Variants in SLC49A4 observed in about 807,000 individuals in gnomAD.
SLC49A4 encodes the protein disrupted in renal cancer protein 2.
A neutral mutation model predicts 50.6 loss-of-function variants in SLC49A4; 36 were observed. The observed-to-expected ratio is 0.71, with a 90% confidence interval of 0.55 to 0.94. The LOEUF is 0.94. Ranked by LOEUF, SLC49A4 falls within the 40% of genes least tolerant of loss-of-function variation. The probability of loss-of-function intolerance (pLI) is 0.00; values close to 1 mark genes in which losing one functional copy is unlikely to be tolerated. For missense variants in SLC49A4, 503 were observed against 605.7 expected (o/e 0.83, Z 1.78); for synonymous variants, 248 against 241.2 (o/e 1.03, Z -0.26).
chr3:122,870,846 AT>A (rs1473975400), intron 7 of SLC49A4, among the ~76,000 whole-genome samples: 51 of 147,200 alleles, frequency 3.5e-4, no homozygotes, highest in African/African-American at 1.2e-3. Context: ...ATAATAATTA[AT>A]TAATAATTCT....
intron 7 of SLC49A4, among the ~76,000 whole-genome samples, chr3:122,862,575 C>T (rs1399779525): frequency 6.6e-6 from 1 of 152,162 alleles, no homozygotes; most frequent in East Asian, 1.9e-4. Context: ...AGTTGTACAA[C>T]ATTCTGGTGG....
intron 2 of SLC49A4, among the ~76,000 whole-genome samples, chr3:122,811,497 T>C (rs1173367599): frequency 6.6e-6 from 1 of 152,254 alleles, no homozygotes; most frequent in Non-Finnish European, 1.5e-5. Context: ...TCATCCTATT[T>C]GGAGGGCACT....
chr3:122,853,972 C>T (rs1378716637), intron 5 of SLC49A4, among the ~76,000 whole-genome samples: 2 of 152,094 alleles, frequency 1.3e-5, no homozygotes, highest in Non-Finnish European at 2.9e-5. Flanking sequence ...TTAACTAGGG[C>T]AAATGTCATG....
chr3:122,795,331 G>GTA lies in SLC49A4; in HGVS notation c.142_143dup (p.Gly49ThrfsTer71). On this transcript the variant is annotated frameshift_variant, in exon 1 of 9. Coordinates refer to ENST00000261038, the MANE Select transcript of SLC49A4 (RefSeq NM_032839.3). LOFTEE classifies it high-confidence loss of function. ...CGCGGCGGTCCCGGGTCCCGGGCGGGTATACGGGCGCCGCTGGCTGGTGCT... is the reference window on the plus strand; with the variant it reads ...CGCGGCGGTCCCGGGTCCCGGGCGGGTATATACGGGCGCCGCTGGCTGGTGCT... 6.5e-7 allele frequency: 1 copy of GTA among 1,539,810 alleles called. No homozygotes were observed.
At position 122,860,197 on chromosome 3, in the gene SLC49A4, C is replaced by A. The variant is rs199910977; in HGVS notation, c.1133C>A (p.Thr378Asn). The A allele has an allele frequency of 6.3e-7, 1 of 1,597,874 alleles. No homozygotes were observed. Among genetic ancestry groups the A allele is most frequent in the East Asian group, 2.3e-5 (1 of 43,906 alleles). ...CLNSITHLPL[T>N]TVTLYASCIL... ...AACAGCATCACACACCTACCTTTAA[C>A]CACAGGTGAGCATAGGCTATTTTTG... The change falls in exon 7 of 9, where the codon ACC (threonine) becomes AAC (asparagine). Residue 378 changes from threonine (T) to asparagine (N), a missense_variant. Transcript: ENST00000261038.
intron 4 of SLC49A4, among the ~76,000 whole-genome samples, chr3:122,841,539 AAC>A (rs1472669525): frequency 2.6e-5 from 4 of 152,218 alleles, no homozygotes; most frequent in African/African-American, 7.2e-5. Flanking sequence ...ACTCCTACCA[AAC>A]AGAGTTACGT....
chr3:122,798,904 G>T lies in SLC49A4; in HGVS notation c.343+3369G>T, dbSNP rs77897827. 1.1e-3 allele frequency among the ~76,000 whole-genome samples: 171 copies of T among 152,072 alleles called. No individual in the cohort carries two copies. The East Asian group carries it at 0.028, about 25-fold the overall frequency. ...GGCACCAAAATATCTTGCACCCTGG[G>T]GGGTAGGTGGTTGTTTGGCCTTTGT... On this transcript the variant is annotated intron_variant, in intron 1 of 8. Coordinates refer to ENST00000261038, the MANE Select transcript of SLC49A4 (RefSeq NM_032839.3).
chr3:122,846,786 A>G (rs1936859257), intron 5 of SLC49A4, among the ~76,000 whole-genome samples: 1 of 152,156 alleles, frequency 6.6e-6, no homozygotes, highest in East Asian at 1.9e-4. Context: ...TGAATTGGAT[A>G]TTTTGAATAT....
intron 2 of SLC49A4, among the ~76,000 whole-genome samples, chr3:122,813,800 A>G (rs536829585): frequency 3.3e-5 from 5 of 152,356 alleles, no homozygotes; most frequent in Admixed American, 2.0e-4. Flanking sequence ...TTGAAAAATC[A>G]TATTTTATTA....
chr3:122,836,818 C>T (rs137914644), intron 4 of SLC49A4, among the ~76,000 whole-genome samples: 5,466 of 152,238 alleles, frequency 0.036, 130 homozygotes, highest in Middle Eastern at 0.088. Context: ...AAAACCCCAT[C>T]GTCTCAGCCC....
chr3:122,872,648 T>C, intron 8 of SLC49A4, 51 bp downstream of exon 8: 1 of 1,389,586 alleles, frequency 7.2e-7, no homozygotes, highest in East Asian at 2.3e-5. Flanking sequence ...CAAGAAAAGT[T>C]TGGGTCACTA....
In SLC49A4 at chr3:122,795,080, C is replaced by A; in HGVS notation, c.-113C>A. ...GGCGCACCAGGCGCGGTCCGGAGGC[C>A]GAGGGCGACCACAGCAGCCTCCGCC... On this transcript the variant is annotated 5_prime_UTR_variant, in exon 1 of 9. Transcript: ENST00000261038. 8.4e-7 allele frequency: 1 copy of A among 1,183,836 alleles called. No individual in the cohort carries two copies. Among genetic ancestry groups the A allele is most frequent in the East Asian group, 3.3e-5 (1 of 30,362 alleles). The allele number at this position is 1,183,836 out of a possible 1,614,324, so 73.3% of individuals were successfully genotyped here. A position where few individuals can be genotyped will look rare whatever the true frequency, so the allele number is the denominator to read the frequency against.
At chr3:122,806,708 G>GTT (rs35035359) in intron 1 of SLC49A4, 149 bp from the exon 2 acceptor site, 4,628 of 469,298 alleles carry the variant, frequency 9.9e-3, no homozygotes, top group Non-Finnish European at 0.012. Flanking sequence ...AGGGTTCGTT[G>GTT]TTTTTTTTTT....
At chr3:122,818,612 C>T (rs1410581832) in intron 2 of SLC49A4, among the ~76,000 whole-genome samples, 1 of 152,076 alleles carries the variant, frequency 6.6e-6, no homozygotes, top group Admixed American at 6.6e-5. Flanking sequence ...TTCCCCTGTG[C>T]ATTGCTGAGA....
At chr3:122,804,887 A>G (rs1438067244) in intron 1 of SLC49A4, among the ~76,000 whole-genome samples, 1 of 152,248 alleles carries the variant, frequency 6.6e-6, no homozygotes, top group Non-Finnish European at 1.5e-5. Context: ...AACTGAGTAA[A>G]GTATGGTAGC....
intron 1 of SLC49A4, among the ~76,000 whole-genome samples, chr3:122,806,459 C>T (rs748124088): frequency 1.5e-4 from 23 of 152,082 alleles, no homozygotes; most frequent in Non-Finnish European, 3.2e-4. Context: ...CTCACTGTAG[C>T]CTCTGCCTCC....
intron 7 of SLC49A4, among the ~76,000 whole-genome samples, chr3:122,865,850 A>G (rs531784295): frequency 7.9e-5 from 12 of 152,322 alleles, no homozygotes; most frequent in Admixed American, 7.8e-4. Flanking sequence ...CCTACACTTC[A>G]GGGACATTTC....
At position 122,879,363 on chromosome 3, in the gene SLC49A4, G is replaced by A. The variant is rs1261375672; in HGVS notation, c.1422G>A (p.Val474=). 6.2e-7 allele frequency: 1 copy of A among 1,613,136 alleles called. No individual in the cohort carries two copies. Among genetic ancestry groups the A allele is most frequent in the African/African-American group, 1.3e-5 (1 of 74,872 alleles). Residue 474 remains valine (V), a synonymous_variant, in exon 9 of 9, where the codon GTG becomes GTA. Coordinates refer to ENST00000261038, the MANE Select transcript of SLC49A4 (RefSeq NM_032839.3). ...CCTATGACAGACTCTATCTTGATGTGGTTGTCTCCGTTTAATAGCACAGAC... is the reference window on the plus strand; with the variant it reads ...CCTATGACAGACTCTATCTTGATGTAGTTGTCTCCGTTTAATAGCACAGAC... ...RESYDRLYLD[V]VVSV
intron 8 of SLC49A4, among the ~76,000 whole-genome samples, chr3:122,876,015 T>C (rs1057429967): frequency 1.3e-5 from 2 of 152,164 alleles, no homozygotes; most frequent in African/African-American, 4.8e-5. Flanking sequence ...TCAGAAGTTT[T>C]TTAGAGTTTT....
Sources: gnomAD v4.1 joint callset for allele counts (sites outside exome capture counted in the v4.1 genomes callset) on GRCh38, gnomAD v4.1.1 for gene constraint, MANE v1.5 for transcripts, NCBI Gene and HGNC (gene_info 2026-07-23, HGNC 2026-07-21) for gene names.